Variants in DTHD1 observed in about 807,000 individuals in gnomAD.
DTHD1 encodes death domain-containing protein 1.
A neutral mutation model predicts 74.8 loss-of-function variants in DTHD1; 59 were observed. The ratio of observed to expected loss-of-function variants is 0.79; its 90% CI spans 0.64 to 0.98. The LOEUF (loss-of-function observed/expected upper bound fraction) is 0.98. DTHD1 is among the 50% of genes least tolerant of loss of function. The pLI is 0.00. For synonymous variants in DTHD1, 365 were observed against 371.1 expected, an observed-to-expected ratio of 0.98 and a Z score of 0.19; for missense variants, 1,051 against 1,065.4, an observed-to-expected ratio of 0.99 and a Z score of 0.19.
intron 3 of DTHD1, among the ~76,000 whole-genome samples, chr4:36,293,134 A>G (rs548656284): frequency 4.6e-5 from 7 of 152,346 alleles, no homozygotes; most frequent in Non-Finnish European, 7.4e-5. Flanking sequence ...AGTCCTTAGG[A>G]TTCCCTAGAA....
intron 9 of DTHD1, among the ~76,000 whole-genome samples, chr4:36,341,048 C>T (rs551161057): frequency 1.3e-5 from 2 of 152,092 alleles, no homozygotes; most frequent in East Asian, 3.9e-4. Context: ...TAGGAGGCCT[C>T]TCATAAGATT....
Position 36,308,225 on chromosome 4 carries a change from T to C in DTHD1, c.1827T>C (p.Ser609=). 5 of 1,552,352 alleles carry C rather than the reference T, an allele frequency of 3.2e-6. No homozygotes were observed. Among genetic ancestry groups the C allele is most frequent in the Non-Finnish European group, 4.4e-6 (5 of 1,147,124 alleles). ...GCAGGTTTATTGTACTTCACCTCTC[T>C]TCCACCATGGACAATAGTCATTTGG... The part of the protein sequence containing the change: ...HLERFIVLHL[S]STMDNSHLVT... Residue 609 remains serine (S), a synonymous_variant, in exon 7 of 10, where the codon TCT becomes TCC. Coordinates refer to ENST00000639862, the MANE Select transcript of DTHD1 (RefSeq NM_001170700.3).
intron 8 of DTHD1, among the ~76,000 whole-genome samples, chr4:36,335,413 G>A (rs1187494373): frequency 6.6e-6 from 1 of 152,032 alleles, no homozygotes; most frequent in African/African-American, 2.4e-5. Flanking sequence ...TTTTTGTAGA[G>A]ATGAGGTCTT....
chr4:36,301,263 C>T (rs1756754540), intron 5 of DTHD1, among the ~76,000 whole-genome samples: 2 of 152,158 alleles, frequency 1.3e-5, no homozygotes, highest in Non-Finnish European at 2.9e-5. Context: ...TGCAAATTGC[C>T]CTTTCTATCC....
At chr4:36,291,954 G>A (rs535663615) in intron 3 of DTHD1, among the ~76,000 whole-genome samples, 1 of 152,248 alleles carries the variant, frequency 6.6e-6, no homozygotes, top group Non-Finnish European at 1.5e-5. Flanking sequence ...TATGTAAGTT[G>A]TCGTTTGATG....
At chr4:36,322,767 A>G (rs1308119919) in intron 8 of DTHD1, among the ~76,000 whole-genome samples, 1 of 152,228 alleles carries the variant, frequency 6.6e-6, no homozygotes, top group Non-Finnish European at 1.5e-5. Context: ...TCACCACTAA[A>G]TCTTTCTGAA....
At chr4:36,329,303 T>G (rs997382662) in intron 8 of DTHD1, among the ~76,000 whole-genome samples, 4 of 151,972 alleles carry the variant, frequency 2.6e-5, no homozygotes, top group African/African-American at 9.7e-5. Flanking sequence ...TACCTAAAAT[T>G]TTCAGCTCCT....
intron 8 of DTHD1, among the ~76,000 whole-genome samples, chr4:36,322,697 T>C (rs1758108727): frequency 6.6e-6 from 1 of 152,166 alleles, no homozygotes; most frequent in Admixed American, 6.5e-5. Flanking sequence ...CTATATAATC[T>C]TCTGAAAATG....
chr4:36,331,456 T>C (rs769503502), intron 8 of DTHD1, among the ~76,000 whole-genome samples: 3 of 152,226 alleles, frequency 2.0e-5, no homozygotes, highest in Non-Finnish European at 4.4e-5. Context: ...TAAATGATTC[T>C]GGTAAAAATC....
At chr4:36,293,448 A>G in intron 3 of DTHD1, 78 bp from the exon 4 acceptor site, 1 of 1,192,732 alleles carries the variant, frequency 8.4e-7, no homozygotes, top group Non-Finnish European at 1.1e-6. Flanking sequence ...GATTTTTTTG[A>G]CAATCCATAG....
At chr4:36,295,324 T>C (rs1307613052) in intron 5 of DTHD1, among the ~76,000 whole-genome samples, 2 of 152,096 alleles carry the variant, frequency 1.3e-5, no homozygotes, top group Non-Finnish European at 2.9e-5. Flanking sequence ...TTCAAAGCGC[T>C]GGAAATTTAG....
Position 36,290,675 on chromosome 4 carries a change from C to A in DTHD1, c.1190C>A (p.Ser397Ter). 1 of 1,542,956 alleles carries A rather than the reference C, an allele frequency of 6.5e-7. No individual in the cohort carries two copies. The highest frequency in any genetic ancestry group is 8.7e-7 in the Non-Finnish European group (1 of 1,146,648). ...CAATCAAGTTACCTAAACCCAAATT[C>A]ACTAGAAGGAATGAAGGGAGGTTAT... ...NLQSSYLNPN[S>*]LEGMKGGYKG... The change falls in exon 3 of 10, where the codon TCA (serine) becomes TAA (stop). Residue 397 changes from serine (S) to a stop codon, truncating the protein, a stop_gained. Coordinates refer to ENST00000639862, the MANE Select transcript of DTHD1 (RefSeq NM_001170700.3). LOFTEE classifies it high-confidence loss of function.
At chr4:36,310,875 G>T (rs893603315) in intron 7 of DTHD1, among the ~76,000 whole-genome samples, 15 of 152,202 alleles carry the variant, frequency 9.9e-5, no homozygotes, top group African/African-American at 3.6e-4. Context: ...GAGAGAGGAG[G>T]GAGAGGAAGG....
chr4:36,312,353 T>C (rs973115747), intron 7 of DTHD1, among the ~76,000 whole-genome samples: 6 of 152,010 alleles, frequency 3.9e-5, no homozygotes, highest in African/African-American at 1.5e-4. Context: ...TCTCTACACC[T>C]ATATAATAAC....
intron 8 of DTHD1, among the ~76,000 whole-genome samples, chr4:36,318,003 A>G (rs764733161): frequency 3.3e-5 from 5 of 152,238 alleles, no homozygotes; most frequent in Middle Eastern, 3.2e-3. Context: ...TTGTGTAATA[A>G]CCATTGTAAT....
intron 6 of DTHD1, among the ~76,000 whole-genome samples, chr4:36,306,871 T>A (rs1456502409): frequency 6.6e-6 from 1 of 152,220 alleles, no homozygotes; most frequent in Non-Finnish European, 1.5e-5. Context: ...ACATTTATGA[T>A]TGTCTTGAAT....
At position 36,345,520 on chromosome 4, in the gene DTHD1, T is replaced by C. The variant is rs546663699; in HGVS notation, c.*1696T>C. On this transcript the variant is annotated 3_prime_UTR_variant, in exon 10 of 10. Transcript: ENST00000639862. Reference sequence around the variant, plus strand: ...CAAATTTAAACGCAAGACTTCCTTCTACAAATTAACCAGGGATTTAGATAT... The same window carrying C: ...CAAATTTAAACGCAAGACTTCCTTCCACAAATTAACCAGGGATTTAGATAT... 6.6e-6 allele frequency: 1 copy of C among 152,338 alleles called. No individual in the cohort carries two copies. Among genetic ancestry groups the C allele is most frequent in the Admixed American group, 6.5e-5 (1 of 15,294 alleles). The allele number at this position is 152,338 out of a possible 1,614,324, so 9.4% of individuals were successfully genotyped here.
intron 8 of DTHD1, among the ~76,000 whole-genome samples, chr4:36,325,375 G>A (rs1041833062): frequency 5.3e-5 from 8 of 152,156 alleles, no homozygotes; most frequent in Non-Finnish European, 1.2e-4. Flanking sequence ...TATCTTTTGA[G>A]TAACAGCTAA....
At chr4:36,328,466 A>C (rs185193790) in intron 8 of DTHD1, among the ~76,000 whole-genome samples, 44 of 152,336 alleles carry the variant, frequency 2.9e-4, no homozygotes, top group Admixed American at 2.7e-3. Flanking sequence ...TTAGAAAAAA[A>C]ACCGTGTGTG....
Sources: gnomAD v4.1 joint callset for allele counts (sites outside exome capture counted in the v4.1 genomes callset) on GRCh38, gnomAD v4.1.1 for gene constraint, MANE v1.5 for transcripts, NCBI Gene and HGNC (gene_info 2026-07-23, HGNC 2026-07-21) for gene names.